Variants in FREM1 observed in about 807,000 individuals in gnomAD.
The protein encoded by FREM1 is FRAS1 related extracellular matrix 1.
Under a neutral mutation model 210.1 loss-of-function variants are expected in FREM1, and 220 were observed. That is an observed-to-expected ratio of 1.05 (90% confidence interval 0.94 to 1.17). The LOEUF (loss-of-function observed/expected upper bound fraction) is 1.17. Among genes scored for constraint, FREM1 ranks in the 50% most tolerant of loss-of-function variants. FREM1 has a pLI of 0.00. For missense variants in FREM1, 3,454 were observed against 2,675.5 expected (o/e 1.29, Z -6.42); for synonymous variants, 1,189 against 980.2 (o/e 1.21, Z -3.98).
chr9:14,754,225 G>A (rs1843870401), intron 29 of FREM1, among the ~76,000 whole-genome samples: 1 of 152,224 alleles, frequency 6.6e-6, no homozygotes, highest in South Asian at 2.1e-4. Flanking sequence ...TTAACATGAA[G>A]TAGGAAGGGA....
chr9:14,893,082 G>A (rs1837138001), intron 1 of FREM1, among the ~76,000 whole-genome samples: 1 of 152,176 alleles, frequency 6.6e-6, no homozygotes, highest in African/African-American at 2.4e-5. Flanking sequence ...CTGTGGTGCA[G>A]CCAGCCGGGT....
At chr9:14,856,322 T>G (rs73415694) in intron 5 of FREM1, among the ~76,000 whole-genome samples, 1 of 152,270 alleles carries the variant, frequency 6.6e-6, no homozygotes, top group African/African-American at 2.4e-5. Flanking sequence ...ACTCAGAAAT[T>G]TATCCTTGAA....
intron 10 of FREM1, among the ~76,000 whole-genome samples, chr9:14,828,225 G>A (rs935809547): frequency 1.3e-5 from 2 of 152,212 alleles, no homozygotes; most frequent in Admixed American, 6.5e-5. Flanking sequence ...ATTGCCTGGG[G>A]CCTTGGGGGC....
intron 29 of FREM1, among the ~76,000 whole-genome samples, chr9:14,751,311 C>G (rs921626784): frequency 6.6e-6 from 1 of 152,120 alleles, no homozygotes; most frequent in African/African-American, 2.4e-5. Context: ...CTTTAAGCCC[C>G]TCTATATGAT....
chr9:14,835,129 G>C (rs753309812), intron 10 of FREM1, among the ~76,000 whole-genome samples: 2 of 152,314 alleles, frequency 1.3e-5, no homozygotes, highest in East Asian at 3.9e-4. Context: ...ATTTAACTAA[G>C]TGGACTGCAC....
In FREM1 at chr9:14,848,682, C is replaced by T. The variant is rs750187962; in HGVS notation, c.1244G>A (p.Arg415His). The T allele has an allele frequency of 8.7e-6, 14 of 1,604,412 alleles. No homozygotes were observed. Among genetic ancestry groups the T allele is most frequent in the Admixed American group, 6.7e-5 (4 of 59,948 alleles). ...SIRTADTNAPRVSWNTGLSLL... is the reference protein window; with the variant it reads ...SIRTADTNAPHVSWNTGLSLL... Reference sequence around the variant, plus strand: ...AGCTTTACCTGTATTCCAGGATACACGGGGGGCATTTGTATCTGCTGTTCT... The same window carrying T: ...AGCTTTACCTGTATTCCAGGATACATGGGGGGCATTTGTATCTGCTGTTCT... The change falls in exon 7 of 37, where the codon CGT (arginine) becomes CAT (histidine). Residue 415 changes from arginine to histidine, a missense_variant. Coordinates refer to ENST00000380880, the MANE Select transcript of FREM1 (RefSeq NM_001379081.2).
intron 2 of FREM1, among the ~76,000 whole-genome samples, chr9:14,865,660 G>GTTGTGT (rs1368658704): frequency 1.2e-5 from 1 of 86,296 alleles, no homozygotes; most frequent in Non-Finnish European, 2.1e-5. Context: ...TAATGTTTAG[G>GTTGTGT]CTGTGTGTGT....
intron 10 of FREM1, among the ~76,000 whole-genome samples, chr9:14,835,531 A>G (rs1323601355): frequency 6.6e-6 from 1 of 152,240 alleles, no homozygotes; most frequent in South Asian, 2.1e-4. Flanking sequence ...CACCTTGTCT[A>G]TACAGTTCCT....
intron 2 of FREM1, among the ~76,000 whole-genome samples, chr9:14,865,864 T>A (rs968928502): frequency 7.9e-5 from 12 of 152,124 alleles, no homozygotes; most frequent in African/African-American, 2.7e-4. Context: ...ATAGGAACAA[T>A]CACCTGGCAG....
In FREM1 at chr9:14,737,454, TG is replaced by T. The variant is rs772952498; in HGVS notation, c.6481del (p.Gln2161LysfsTer51). 5.0e-6 allele frequency: 8 copies of T among 1,613,770 alleles called. No individual in the cohort carries two copies. In the African/African-American group the frequency reaches 1.1e-4, roughly 22 times the overall value. On this transcript the variant is annotated frameshift_variant, in exon 37 of 37. Coordinates refer to ENST00000380880, the MANE Select transcript of FREM1 (RefSeq NM_001379081.2). LOFTEE classifies it high-confidence loss of function. Reference sequence around the variant, plus strand: ...TTTGGCTCTCCTACAGTCTTTTGTTTGCCATTTCCCTTGTCTTTGAACCAAA... The same window carrying T: ...TTTGGCTCTCCTACAGTCTTTTGTTTCCATTTCCCTTGTCTTTGAACCAAA... ...CVLVQRQGKW[Q>X]TKDCRRAKPH...
intron 1 of FREM1, among the ~76,000 whole-genome samples, chr9:14,900,044 T>G (rs1164670293): frequency 1.3e-5 from 2 of 152,190 alleles, no homozygotes; most frequent in Non-Finnish European, 2.9e-5. Flanking sequence ...AAGCACTGGC[T>G]GCAAATAAAC....
chr9:14,878,209 G>T (rs1224831307), intron 1 of FREM1, among the ~76,000 whole-genome samples: 2 of 152,108 alleles, frequency 1.3e-5, no homozygotes, highest in Non-Finnish European at 2.9e-5. Context: ...GACAGTATGT[G>T]ATCTGTTTCC....
chr9:14,890,889 G>A (rs1211941868), intron 1 of FREM1, among the ~76,000 whole-genome samples: 1 of 152,196 alleles, frequency 6.6e-6, no homozygotes, highest in African/African-American at 2.4e-5. Context: ...GATTAGTTAG[G>A]AAATGGCCAT....
intron 15 of FREM1, among the ~76,000 whole-genome samples, chr9:14,816,514 C>T (rs1001989377): frequency 4.6e-5 from 7 of 152,098 alleles, no homozygotes; most frequent in African/African-American, 1.4e-4. Flanking sequence ...GGGCTCCACC[C>T]TCATGAATGG....
intron 1 of FREM1, among the ~76,000 whole-genome samples, chr9:14,871,108 T>C (rs1832591001): frequency 6.6e-6 from 1 of 152,142 alleles, no homozygotes; most frequent in African/African-American, 2.4e-5. Context: ...GGAGCTGCAA[T>C]AAACATACGT....
chr9:14,837,794 C>T (rs994599131), intron 10 of FREM1, among the ~76,000 whole-genome samples: 7 of 152,184 alleles, frequency 4.6e-5, no homozygotes, highest in African/African-American at 1.4e-4. Flanking sequence ...TTTTGATAAC[C>T]GGATTTAATT....
intron 27 of FREM1, among the ~76,000 whole-genome samples, chr9:14,763,250 T>C (rs1343334732): frequency 6.6e-6 from 1 of 152,198 alleles, no homozygotes; most frequent in African/African-American, 2.4e-5. Context: ...TAGCAGCACC[T>C]CTGTCCTCCT....
chr9:14,863,808 C>G lies in FREM1; in HGVS notation c.329+1G>C. On this transcript the variant is annotated splice_donor_variant, in intron 3 of 36. Coordinates refer to ENST00000380880, the MANE Select transcript of FREM1 (RefSeq NM_001379081.2). LOFTEE classifies it high-confidence loss of function. ...ATGAGCGATGTTCCCGTGCCGCTTA[C>G]CTGTAAAGTCTGAGCTTCACTGTGT... is the stretch of plus-strand genomic sequence containing the variant. 6.3e-7 allele frequency: 1 copy of G among 1,596,120 alleles called. No homozygotes were observed. Among genetic ancestry groups the G allele is most frequent in the South Asian group, 1.1e-5 (1 of 90,560 alleles).
intron 36 of FREM1, among the ~76,000 whole-genome samples, chr9:14,738,462 A>G (rs6474853): frequency 0.69 from 105,594 of 151,988 alleles, 36,850 homozygotes; most frequent in East Asian, 0.77. Flanking sequence ...GATTAGTGAC[A>G]TTCTGCCTAA....
Sources: allele counts gnomAD v4.1 joint callset (sites outside exome capture counted in the v4.1 genomes callset), GRCh38; gene constraint gnomAD v4.1.1; transcripts MANE v1.5; gene names NCBI Gene and HGNC (gene_info 2026-07-23, HGNC 2026-07-21).